The following VAV1 variants were observed in gnomAD, a reference collection of about 807,000 sequenced individuals.
VAV1 encodes proto-oncogene vav.
In VAV1, 33 loss-of-function variants were observed where a neutral mutation model predicts 128.1. The observed-to-expected ratio is 0.26, with a 90% confidence interval of 0.20 to 0.34. The LOEUF (loss-of-function observed/expected upper bound fraction) is 0.34. VAV1 is among the 10% of genes least tolerant of loss of function. The pLI is 1.00. For synonymous variants in VAV1, 394 were observed against 409.8 expected (o/e 0.96, Z 0.47); for missense variants, 715 against 1,093.7 (o/e 0.65, Z 4.88).
intron 23 of VAV1, among the ~76,000 whole-genome samples, chr19:6,849,565 G>A (rs1170740439): frequency 1.3e-5 from 2 of 151,610 alleles, no homozygotes; most frequent in Non-Finnish European, 2.9e-5. Flanking sequence ...CACCTGCCTC[G>A]GCCTCTCAAA....
intron 1 of VAV1, among the ~76,000 whole-genome samples, chr19:6,784,660 A>G (rs539981067): frequency 1.4e-4 from 22 of 151,888 alleles, no homozygotes; most frequent in African/African-American, 5.3e-4. Flanking sequence ...CACCTAGCTG[A>G]TTTTTGTATT....
intron 1 of VAV1, among the ~76,000 whole-genome samples, chr19:6,803,279 T>G (rs1369017408): frequency 6.6e-6 from 1 of 152,200 alleles, no homozygotes; most frequent in Non-Finnish European, 1.5e-5. Flanking sequence ...ACTTTAATTA[T>G]ATGCAAATTA....
intron 16 of VAV1, 67 bp downstream of exon 16, chr19:6,833,352 C>A: frequency 6.7e-7 from 1 of 1,500,244 alleles, no homozygotes; most frequent in Non-Finnish European, 9.1e-7. Context: ...GAGAAGATGG[C>A]CTAGTAATTG....
intron 1 of VAV1, among the ~76,000 whole-genome samples, chr19:6,794,482 G>A (rs1971085870): frequency 6.6e-6 from 1 of 152,102 alleles, no homozygotes; most frequent in Non-Finnish European, 1.5e-5. Flanking sequence ...TCAGGCCTGG[G>A]CGACACAATG....
chr19:6,838,035 A>G (rs964753003), intron 21 of VAV1, among the ~76,000 whole-genome samples: 3 of 152,174 alleles, frequency 2.0e-5, no homozygotes, highest in East Asian at 3.9e-4. Context: ...TTCCAAATTT[A>G]TTAGCTGGTG....
intron 23 of VAV1, among the ~76,000 whole-genome samples, chr19:6,849,043 C>T (rs1479186779): frequency 2.6e-5 from 4 of 152,008 alleles, no homozygotes; most frequent in Non-Finnish European, 5.9e-5. Context: ...CATCCTCCCA[C>T]CTCAGCCTCC....
At chr19:6,795,755 C>T (rs2144721255) in intron 1 of VAV1, among the ~76,000 whole-genome samples, 1 of 152,306 alleles carries the variant, frequency 6.6e-6, no homozygotes, top group Non-Finnish European at 1.5e-5. Context: ...GCGATCTCAG[C>T]TCACTGCAAC....
intron 1 of VAV1, among the ~76,000 whole-genome samples, chr19:6,775,024 T>C (rs1356600868): frequency 6.6e-6 from 1 of 151,246 alleles, no homozygotes; most frequent in African/African-American, 2.4e-5. Context: ...CCTCGGCCTC[T>C]CGAAAGGCTG....
At chr19:6,773,907 G>A (rs141670584) in intron 1 of VAV1, among the ~76,000 whole-genome samples, 262 of 152,144 alleles carry the variant, frequency 1.7e-3, no homozygotes, top group African/African-American at 5.5e-3. Flanking sequence ...CCTCTGGGAT[G>A]AAAGGAGATA....
intron 20 of VAV1, 35 bp downstream of exon 20, chr19:6,836,603 A>T: frequency 1.2e-6 from 2 of 1,610,786 alleles, no homozygotes; most frequent in Non-Finnish European, 1.7e-6. Context: ...ATGGGGTGGG[A>T]CCCAAGTGTA....
Position 6,836,425 on chromosome 19 carries a change from C to A in VAV1, c.1778-7C>A. ...ACCACCCTGTACTCCTGTACCCTGT[C>A]CTCCAGGTCTGCCCAAGATGGAGGT... On this transcript the variant is annotated splice_polypyrimidine_tract_variant and splice_region_variant and intron_variant, in intron 19 of 26. Transcript: ENST00000602142. 6.2e-7 allele frequency: 1 copy of A among 1,613,900 alleles called. No individual in the cohort carries two copies.
chr19:6,848,229 A>C, intron 23 of VAV1, 115 bp downstream of exon 23: 1 of 895,636 alleles, frequency 1.1e-6, no homozygotes, highest in Non-Finnish European at 1.6e-6. Context: ...TCCACCTTTT[A>C]CTGAGCCCCT....
At chr19:6,831,853 AGTGTGTGTGT>A (rs112497070) in intron 14 of VAV1, among the ~76,000 whole-genome samples, 18 of 146,648 alleles carry the variant, frequency 1.2e-4, no homozygotes, top group African/African-American at 4.5e-4. Context: ...TGCAAAGGGG[AGTGTGTGTGT>A]GTGTGTGTGT....
At position 6,825,136 on chromosome 19, in the gene VAV1, C is replaced by G; in HGVS notation, c.723+15C>G. The G allele has an allele frequency of 6.2e-7, 1 of 1,609,350 alleles. No individual in the cohort carries two copies. On this transcript the variant is annotated intron_variant, in intron 7 of 26. Transcript: ENST00000602142. ...TCAACATTGAGGTGAGCCGGCCGAT[C>G]CCCAGCCCTCTTGGGTCTGTCTAGT...
At chr19:6,793,264 G>A (rs1015325642) in intron 1 of VAV1, among the ~76,000 whole-genome samples, 14 of 152,164 alleles carry the variant, frequency 9.2e-5, no homozygotes, top group South Asian at 6.2e-4. Context: ...AACCTGGGAG[G>A]CGGAGCTTGC....
chr19:6,849,195 C>T (rs1445958345), intron 23 of VAV1, among the ~76,000 whole-genome samples: 1 of 151,630 alleles, frequency 6.6e-6, no homozygotes, highest in Non-Finnish European at 1.5e-5. Flanking sequence ...GATCCCAACA[C>T]CCAGGGAGTG....
At chr19:6,815,180 TTG>T (rs1003664397) in intron 1 of VAV1, among the ~76,000 whole-genome samples, 2 of 152,088 alleles carry the variant, frequency 1.3e-5, no homozygotes, top group African/African-American at 4.8e-5. Context: ...CAGGGTCTCA[TTG>T]TGTTGCCTGG....
intron 21 of VAV1, among the ~76,000 whole-genome samples, chr19:6,839,585 T>G (rs958227483): frequency 6.6e-6 from 1 of 151,720 alleles, no homozygotes; most frequent in Non-Finnish European, 1.5e-5. Flanking sequence ...GCATTTTCTT[T>G]TGGAGTGATA....
intron 20 of VAV1, 138 bp from the exon 21 acceptor site, chr19:6,836,846 AC>A: frequency 3.8e-5 from 2 of 52,980 alleles, no homozygotes; most frequent in South Asian, 5.4e-4. Flanking sequence ...ACACACACAC[AC>A]ACACACACAC....
Sources: gnomAD v4.1 joint callset for allele counts (sites outside exome capture counted in the v4.1 genomes callset) on GRCh38, gnomAD v4.1.1 for gene constraint, MANE v1.5 for transcripts, NCBI Gene and HGNC (gene_info 2026-07-23, HGNC 2026-07-21) for gene names.